Variants in UBAP1L observed in about 807,000 individuals in gnomAD.
UBAP1L encodes ubiquitin-associated protein 1-like.
Under a neutral mutation model 32.1 loss-of-function variants are expected in UBAP1L, and 32 were observed. The observed-to-expected ratio is 1.00, with a 90% CI of 0.75 to 1.34. The LOEUF (loss-of-function observed/expected upper bound fraction) is 1.34. Among genes scored for constraint, UBAP1L ranks in the 40% most tolerant of loss-of-function variants. The pLI is 0.00. For synonymous variants in UBAP1L, 243 were observed against 250.2 expected (o/e 0.97, Z 0.27); for missense variants, 516 against 540.5 (o/e 0.95, Z 0.45).
chr15:65,107,085 G>C (rs952813394), intron 1 of UBAP1L, among the ~76,000 whole-genome samples: 1 of 152,018 alleles, frequency 6.6e-6, no homozygotes, highest in Non-Finnish European at 1.5e-5. Context: ...AGGAAAGACA[G>C]ATTGACTTAA....
chr15:65,114,134 T>A (rs958605029), intron 1 of UBAP1L, among the ~76,000 whole-genome samples: 1 of 152,082 alleles, frequency 6.6e-6, no homozygotes, highest in Middle Eastern at 3.4e-3. Flanking sequence ...TCCACCTGCC[T>A]TGGGCTCGCA....
chr15:65,106,148 G>C lies in UBAP1L; in HGVS notation c.68C>G (p.Pro23Arg), dbSNP rs1466706367. Residue 23 changes from proline (P) to arginine (R), a missense_variant, in exon 2 of 6, where the codon CCT becomes CGT. Physicochemically the swap from Pro to Arg is moderately radical, Grantham distance 103. Coordinates refer to ENST00000559089, the MANE Select transcript of UBAP1L (RefSeq NM_001163692.2). ...KGFVIGTEPL[P>R]GPELSVPACG... is the part of the protein sequence containing the mutation. ...GGCCGGGACGCTGAGTTCTGGCCCA[G>C]GGAGAGGCTCTGTGCCTATCACAAA... 1.3e-6 allele frequency: 2 copies of C among 1,550,894 alleles called. No individual in the cohort carries two copies. The highest frequency in any genetic ancestry group is 1.4e-5 in the African/African-American group (1 of 73,000).
Position 65,102,210 on chromosome 15 carries a change from G to A in UBAP1L, c.595C>T (p.Pro199Ser). ...SPAQSPRSASPPGPAPQHPAA... is the reference protein window; with the variant it reads ...SPAQSPRSASSPGPAPQHPAA... Reference sequence around the variant, plus strand: ...GGGTGCTGGGGCGCGGGCCCCGGGGGTGATGCAGACCTGGGGGACTGCGCA... The same window carrying A: ...GGGTGCTGGGGCGCGGGCCCCGGGGATGATGCAGACCTGGGGGACTGCGCA... The change falls in exon 3 of 6, where the codon CCC (proline) becomes TCC (serine). Residue 199 changes from proline to serine, a missense_variant. Pro to Ser is a moderately conservative substitution (Grantham distance 74, BLOSUM62 -1). Transcript: ENST00000559089. This position sits in a 1 kb window ranked among gnomAD's most constrained non-coding sequence, Gnocchi z 5.0. 1 of 1,209,570 alleles carries A rather than the reference G, an allele frequency of 8.3e-7. No individual in the cohort carries two copies. The allele number at this position is 1,209,570 out of a possible 1,614,324, so 74.9% of individuals were successfully genotyped here.
At chr15:65,098,405 A>G (rs1038035924) in intron 4 of UBAP1L, 1 of 152,084 alleles carries the variant, frequency 6.6e-6, no homozygotes, top group African/African-American at 2.4e-5. Flanking sequence ...TGGTATCTCC[A>G]TGAAGCCTTT....
intron 5 of UBAP1L, among the ~76,000 whole-genome samples, chr15:65,093,603 C>T (rs2087141929): frequency 6.6e-6 from 1 of 152,208 alleles, no homozygotes; most frequent in African/African-American, 2.4e-5. Context: ...GTGGAGGTAT[C>T]ACAGCGCAGC....
intron 1 of UBAP1L, among the ~76,000 whole-genome samples, chr15:65,113,482 T>A (rs1490115916): frequency 6.6e-6 from 1 of 152,164 alleles, no homozygotes; most frequent in Non-Finnish European, 1.5e-5. Context: ...GCACAATGGC[T>A]CACATCTGTA....
chr15:65,106,104 C>G lies in UBAP1L; in HGVS notation c.112G>C (p.Gly38Arg), dbSNP rs1195398808. The G allele has an allele frequency of 1.7e-5, 27 of 1,551,376 alleles. No individual in the cohort carries two copies. Among genetic ancestry groups the G allele is most frequent in the Non-Finnish European group, 2.4e-5 (27 of 1,146,900 alleles). ...SVPACGEVLLGSMHDFSLERT... is the reference protein window; with the variant it reads ...SVPACGEVLLRSMHDFSLERT... The stretch of plus-strand genomic sequence containing the variant: ...CACAGAGACACACTTACCATAGAAC[C>G]CAGCAGAACTTCCCCGCAGGCCGGG... The change falls in exon 2 of 6, where the codon GGT (glycine) becomes CGT (arginine). Residue 38 changes from glycine to arginine, a missense_variant. By Grantham distance (125) the Gly-to-Arg change is moderately radical (BLOSUM62 -2). Coordinates refer to ENST00000559089, the MANE Select transcript of UBAP1L (RefSeq NM_001163692.2).
intron 1 of UBAP1L, among the ~76,000 whole-genome samples, chr15:65,106,741 A>G (rs2087316720): frequency 6.6e-6 from 1 of 151,342 alleles, no homozygotes; most frequent in Non-Finnish European, 1.5e-5. Context: ...CCTGGGTTCA[A>G]GTGATTCTCC....
chr15:65,095,174 T>C (rs2087159346), intron 4 of UBAP1L: 1 of 153,196 alleles, frequency 6.5e-6, no homozygotes, highest in African/African-American at 2.4e-5. Flanking sequence ...CAGGATAAAA[T>C]GCTGGCTCCT....
chr15:65,104,235 C>A (rs1342804411), intron 2 of UBAP1L, among the ~76,000 whole-genome samples: 1 of 143,070 alleles, frequency 7.0e-6, no homozygotes, highest in Non-Finnish European at 1.5e-5. Context: ...GCCTGGGCGA[C>A]AAAGCGAGAC....
Position 65,102,261 on chromosome 15 carries a change from G to T in UBAP1L, c.544C>A (p.Arg182Ser). ...GGGCTCGGGCACAGGCTCAGCGCGC[G>T]GTGGCCGCGGAGGCCATGCAGGAGG... Reference protein sequence around the residue: ...RALLHGLRGHRALSLCPSPAQ... With the variant: ...RALLHGLRGHSALSLCPSPAQ... The change falls in exon 3 of 6, where the codon CGC becomes AGC. Residue 182 changes from arginine (R) to serine (S), a missense_variant. Transcript: ENST00000559089. The surrounding 1 kb of genome is among the most constrained non-coding windows in gnomAD (Gnocchi z 5.0). 7.6e-7 allele frequency: 1 copy of T among 1,311,134 alleles called. No individual in the cohort carries two copies. Among genetic ancestry groups the T allele is most frequent in the South Asian group, 1.9e-5 (1 of 52,400 alleles). The allele number at this position is 1,311,134 out of a possible 1,614,324, so 81.2% of individuals were successfully genotyped here.
chr15:65,112,022 T>C (rs181880430), intron 1 of UBAP1L, among the ~76,000 whole-genome samples: 1 of 152,318 alleles, frequency 6.6e-6, no homozygotes, highest in South Asian at 2.1e-4. Flanking sequence ...GAAAGTATTC[T>C]AAAATGAGGG....
In UBAP1L at chr15:65,092,776, T is replaced by G; in HGVS notation, c.*321A>C. On this transcript the variant is annotated 3_prime_UTR_variant, in exon 6 of 6. Transcript: ENST00000559089. Reference sequence around the variant, plus strand: ...CTGCAGGACTCAGAAGAACTGCCCATTATTTATTTGTTTTAATTTTCTTAA... The same window carrying G: ...CTGCAGGACTCAGAAGAACTGCCCAGTATTTATTTGTTTTAATTTTCTTAA... 1.3e-4 allele frequency: 34 copies of G among 255,214 alleles called. No homozygotes were observed. The highest frequency in any genetic ancestry group is 2.4e-3 in the Middle Eastern group (2 of 826). 15.8% of individuals were successfully genotyped at this position (255,214 alleles called of 1,614,324 possible).
chr15:65,110,534 AC>A (rs2087362108), intron 1 of UBAP1L, among the ~76,000 whole-genome samples: 2 of 150,866 alleles, frequency 1.3e-5, no homozygotes, highest in East Asian at 2.0e-4. Flanking sequence ...AAAAAAAAAA[AC>A]ATAGCTGGGC....
In UBAP1L at chr15:65,102,357, C is replaced by G. The variant is rs1285292928; in HGVS notation, c.448G>C (p.Gly150Arg). The change falls in exon 3 of 6, where the codon GGC (glycine) becomes CGC (arginine). Residue 150 changes from glycine (G) to arginine (R), a missense_variant. Transcript: ENST00000559089. The surrounding 1 kb of genome is among the most constrained non-coding windows in gnomAD (Gnocchi z 5.0). ...GCCCCTGCCAGCTCCAACCGCACGC[C>G]GCGTAGCACGTCCAGCGAGCACAGG... ...RRLCSLDVLR[G>R]VRLELAGARR... The G allele has an allele frequency of 7.5e-6, 11 of 1,474,480 alleles. No individual in the cohort carries two copies. In the African/African-American group the frequency reaches 1.5e-4, roughly 20 times the overall value. The allele number at this position is 1,474,480 out of a possible 1,614,324, so 91.3% of individuals were successfully genotyped here.
chr15:65,104,321 A>G (rs1476895650), intron 2 of UBAP1L, among the ~76,000 whole-genome samples: 1 of 151,976 alleles, frequency 6.6e-6, no homozygotes, highest in East Asian at 1.9e-4. Context: ...AGAGAGAGAG[A>G]AAGAGAAGAG....
intron 1 of UBAP1L, among the ~76,000 whole-genome samples, chr15:65,110,237 T>C (rs556790815): frequency 6.6e-6 from 1 of 151,722 alleles, no homozygotes; most frequent in East Asian, 2.0e-4. Context: ...TGCGTGCCTG[T>C]AGTCCCAGCT....
chr15:65,095,940 C>T (rs770708117), intron 4 of UBAP1L: 2 of 152,218 alleles, frequency 1.3e-5, no homozygotes, highest in Admixed American at 6.5e-5. Flanking sequence ...TTTTGAAAAC[C>T]AGGCACCCAT....
rs1418057375 is a variant in UBAP1L at position 65,106,407 on chromosome 15, T to C, written c.-173-19A>G. On this transcript the variant is annotated intron_variant, in intron 1 of 5. Coordinates refer to ENST00000559089, the MANE Select transcript of UBAP1L (RefSeq NM_001163692.2). Reference sequence around the variant, plus strand: ...GCCAGTGCTGCATAAAGGAAGGAAATGAATAAAAACAAGAGCATTCACACG... The same window carrying C: ...GCCAGTGCTGCATAAAGGAAGGAAACGAATAAAAACAAGAGCATTCACACG... 3.7e-6 allele frequency: 2 copies of C among 543,972 alleles called. No individual in the cohort carries two copies. Among genetic ancestry groups the C allele is most frequent in the Non-Finnish European group, 3.0e-6 (1 of 330,614 alleles). 33.7% of individuals were successfully genotyped at this position (543,972 alleles called of 1,614,324 possible).
Sources: allele counts gnomAD v4.1 joint callset (sites outside exome capture counted in the v4.1 genomes callset), GRCh38; gene constraint gnomAD v4.1.1; non-coding constraint Gnocchi (gnomAD v3.1); transcripts MANE v1.5; gene names NCBI Gene and HGNC (gene_info 2026-07-23, HGNC 2026-07-21).